The following EYA1 variants were observed in gnomAD, a reference collection of about 807,000 sequenced individuals.
The protein encoded by EYA1 is protein phosphatase EYA1.
In EYA1, 16 loss-of-function variants were observed where a neutral mutation model predicts 82.0. The observed-to-expected ratio is 0.20, with a 90% CI of 0.13 to 0.30. EYA1 has a LOEUF of 0.30. EYA1 is among the 10% of genes least tolerant of loss of function. The probability of loss-of-function intolerance (pLI) is 1.00; values close to 1 mark genes in which losing one functional copy is unlikely to be tolerated. For synonymous variants in EYA1, 261 were observed against 264.4 expected, an observed-to-expected ratio of 0.99 and a Z score of 0.12; for missense variants, 633 against 730.7, an observed-to-expected ratio of 0.87 and a Z score of 1.54.
At chr8:71,406,372 C>A (rs1029207352) in intron 2 of EYA1, among the ~76,000 whole-genome samples, 1 of 152,090 alleles carries the variant, frequency 6.6e-6, no homozygotes, top group Non-Finnish European at 1.5e-5. Flanking sequence ...AGGGAGGAGC[C>A]AAGATGGCCG....
At chr8:71,403,137 T>C (rs986311121) in intron 2 of EYA1, among the ~76,000 whole-genome samples, 5 of 152,136 alleles carry the variant, frequency 3.3e-5, no homozygotes, top group African/African-American at 1.2e-4. Context: ...ATAACTGAAG[T>C]CAAAGATGAC....
intron 2 of EYA1, among the ~76,000 whole-genome samples, chr8:71,496,725 T>G (rs1029005012): frequency 6.6e-6 from 1 of 152,150 alleles, no homozygotes; most frequent in Non-Finnish European, 1.5e-5. Context: ...GTGGCCCAGC[T>G]TTTACCCTCT....
chr8:71,438,292 A>G (rs1806153095), intron 2 of EYA1, among the ~76,000 whole-genome samples: 1 of 152,074 alleles, frequency 6.6e-6, no homozygotes, highest in South Asian at 2.1e-4. Context: ...AATACATTGA[A>G]TACAGAATGA....
intron 4 of EYA1, among the ~76,000 whole-genome samples, chr8:71,332,513 C>T (rs957516704): frequency 2.0e-5 from 3 of 152,156 alleles, no homozygotes; most frequent in African/African-American, 7.2e-5. Flanking sequence ...GCACCAAATC[C>T]ATCACCTTCC....
At chr8:71,518,057 A>AT (rs773094407) in intron 2 of EYA1, among the ~76,000 whole-genome samples, 4 of 143,408 alleles carry the variant, frequency 2.8e-5, no homozygotes, top group African/African-American at 9.0e-5. Context: ...CTACAAAAAT[A>AT]TTTTTTTTCA....
chr8:71,327,055 C>A (rs1181381264), intron 4 of EYA1, among the ~76,000 whole-genome samples: 2 of 152,138 alleles, frequency 1.3e-5, no homozygotes, highest in African/African-American at 4.8e-5. Flanking sequence ...TTACTAAATT[C>A]TTTGATCAGC....
At chr8:71,408,357 A>G (rs1830392456) in intron 2 of EYA1, among the ~76,000 whole-genome samples, 1 of 150,276 alleles carries the variant, frequency 6.7e-6, no homozygotes, top group Admixed American at 6.7e-5. Flanking sequence ...GACAGGATCA[A>G]ATTCACACAT....
chr8:71,364,503 C>T (rs1330280929), upstream of EYA1, among the ~76,000 whole-genome samples: 1 of 151,946 alleles, frequency 6.6e-6, no homozygotes, highest in East Asian at 1.9e-4. Flanking sequence ...GTAACGTAAC[C>T]ATATACTTTA....
At chr8:71,499,730 G>A (rs537541164) in intron 2 of EYA1, among the ~76,000 whole-genome samples, 1 of 152,300 alleles carries the variant, frequency 6.6e-6, no homozygotes, top group South Asian at 2.1e-4. Context: ...AATATAAAAT[G>A]TGGGGTAAGA....
intron 2 of EYA1, among the ~76,000 whole-genome samples, chr8:71,519,995 T>G (rs1204285622): frequency 1.3e-5 from 2 of 152,248 alleles, no homozygotes; most frequent in Non-Finnish European, 2.9e-5. Context: ...CTATGTGGCT[T>G]GTAAGCACAG....
chr8:71,512,505 A>G (rs1312444554), intron 2 of EYA1, among the ~76,000 whole-genome samples: 1 of 152,124 alleles, frequency 6.6e-6, no homozygotes, highest in East Asian at 1.9e-4. Flanking sequence ...CAGTTACAAA[A>G]TAAAAGCTAC....
intron 11 of EYA1, among the ~76,000 whole-genome samples, chr8:71,267,388 C>T (rs1320605605): frequency 6.6e-6 from 1 of 152,208 alleles, no homozygotes; most frequent in Non-Finnish European, 1.5e-5. Context: ...GCCTCAGACC[C>T]AAAGTCACAT....
intron 2 of EYA1, among the ~76,000 whole-genome samples, chr8:71,450,860 GC>G (rs1201875322): frequency 1.3e-5 from 2 of 152,166 alleles, no homozygotes; most frequent in African/African-American, 4.8e-5. Context: ...AAATGCATGG[GC>G]TAAAATGGAA....
intron 9 of EYA1, among the ~76,000 whole-genome samples, chr8:71,291,692 T>A (rs1022592802): frequency 6.6e-6 from 1 of 152,218 alleles, no homozygotes; most frequent in African/African-American, 2.4e-5. Context: ...ATATTATAGC[T>A]AAATAGTGCT....
chr8:71,347,645 T>C (rs1173948377), intron 3 of EYA1, among the ~76,000 whole-genome samples: 1 of 152,180 alleles, frequency 6.6e-6, no homozygotes, highest in Admixed American at 6.5e-5. Flanking sequence ...ACTCAAAAAC[T>C]TAGTCAATGC....
intron 2 of EYA1, among the ~76,000 whole-genome samples, chr8:71,505,035 A>G (rs1812087029): frequency 6.6e-6 from 1 of 152,108 alleles, no homozygotes. Flanking sequence ...CCTGGTCTCA[A>G]ATGATCTGCC....
rs183033540 is a variant in EYA1, at chr8:71,367,920, T to G, written c.34-11409A>C. Among the ~76,000 whole-genome samples, 54 of 152,320 alleles carry G rather than the reference T, an allele frequency of 3.5e-4. No individual in the cohort carries two copies. The East Asian group carries it at 6.8e-3, about 19-fold the overall frequency. On this transcript the variant is annotated intron_variant, in intron 2 of 18. Transcript: ENST00000643681. The stretch of plus-strand genomic sequence containing the variant: ...ACAGAATTCCTTTCTGCAACCCAAA[T>G]GTAAGTACAATTAAACATTTTGTGG...
At chr8:71,539,154 T>C (rs1464420634) in intron 1 of EYA1, among the ~76,000 whole-genome samples, 1 of 152,086 alleles carries the variant, frequency 6.6e-6, no homozygotes, top group African/African-American at 2.4e-5. Context: ...GGGTTAGCTA[T>C]TCACCCTAAG....
At chr8:71,213,187 T>G (rs904655429) in intron 16 of EYA1, among the ~76,000 whole-genome samples, 1 of 152,192 alleles carries the variant, frequency 6.6e-6, no homozygotes, top group Non-Finnish European at 1.5e-5. Flanking sequence ...AAAATAAAGC[T>G]TAATATTTTA....
Sources: allele counts gnomAD v4.1 joint callset (sites outside exome capture counted in the v4.1 genomes callset), GRCh38; gene constraint gnomAD v4.1.1; transcripts MANE v1.5; gene names NCBI Gene and HGNC (gene_info 2026-07-23, HGNC 2026-07-21).